The following TASP1 variants were observed in gnomAD, a reference collection of about 807,000 sequenced individuals.
The protein encoded by TASP1 is taspase 1.
Under a neutral mutation model 56.6 loss-of-function variants are expected in TASP1, and 16 were observed. The observed-to-expected ratio is 0.28, with a 90% CI of 0.19 to 0.43. The LOEUF is 0.43. TASP1 is among the 20% of genes least tolerant of loss of function. TASP1 has a pLI of 1.00. For synonymous variants in TASP1, 179 were observed against 184.2 expected (o/e 0.97, Z 0.23); for missense variants, 393 against 511.6 (o/e 0.77, Z 2.24).
At chr20:13,131,180 A>G in the TASP1 span, among the ~76,000 whole-genome samples, 15 of 152,188 alleles carry the variant, frequency 9.9e-5, no homozygotes, top group Admixed American at 2.0e-4. Flanking sequence ...TAAATCTTCG[A>G]TGTATATTTT....
the TASP1 span, among the ~76,000 whole-genome samples, chr20:13,264,641 G>A: frequency 6.6e-6 from 1 of 152,176 alleles, no homozygotes; most frequent in Non-Finnish European, 1.5e-5. Flanking sequence ...ATGTGGCTAT[G>A]GCCATCCACC....
intron 4 of TASP1, chr20:13,614,732 A>C: frequency 2.2e-6 from 1 of 457,042 alleles, no homozygotes; most frequent in Non-Finnish European, 4.5e-6. Context: ...CAAAAACATA[A>C]CACAAATCTC....
the TASP1 span, among the ~76,000 whole-genome samples, chr20:13,251,711 C>G: frequency 4.6e-5 from 7 of 152,186 alleles, no homozygotes; most frequent in Admixed American, 3.9e-4. Context: ...CCTTCTCAAG[C>G]CTGCTTTCAA....
At chr20:13,625,874 G>A (rs1164995468) in intron 2 of TASP1, among the ~76,000 whole-genome samples, 2 of 152,156 alleles carry the variant, frequency 1.3e-5, no homozygotes, top group Non-Finnish European at 2.9e-5. Context: ...ATTCCTGGTG[G>A]TCTCTGTCTT....
chr20:13,617,657 C>T (rs1006023569), intron 4 of TASP1, among the ~76,000 whole-genome samples: 2 of 152,066 alleles, frequency 1.3e-5, no homozygotes, highest in Non-Finnish European at 2.9e-5. Context: ...TGGAGATGCT[C>T]GTTTATTTAA....
intron 11 of TASP1, among the ~76,000 whole-genome samples, chr20:13,436,558 C>G (rs1478133276): frequency 6.6e-6 from 1 of 152,114 alleles, no homozygotes; most frequent in Non-Finnish European, 1.5e-5. Flanking sequence ...GATATTTACT[C>G]TCTAAAGAAG....
At chr20:13,379,079 AG>A in the TASP1 span, among the ~76,000 whole-genome samples, 36 of 152,092 alleles carry the variant, frequency 2.4e-4, no homozygotes, top group Non-Finnish European at 1.6e-4. Flanking sequence ...TTTACATTTA[AG>A]GTTAATATTG....
the TASP1 span, among the ~76,000 whole-genome samples, chr20:13,120,461 T>A: frequency 2.8e-4 from 43 of 152,288 alleles, no homozygotes; most frequent in Middle Eastern, 6.8e-3. Flanking sequence ...ACCCTGAAAT[T>A]TGAAAATAAT....
At chr20:13,399,638 G>A (rs2041664642) in intron 13 of TASP1, among the ~76,000 whole-genome samples, 1 of 152,122 alleles carries the variant, frequency 6.6e-6, no homozygotes, top group Non-Finnish European at 1.5e-5. Context: ...CCACCTGTGT[G>A]GATAATGCTC....
chr20:13,367,452 G>T, the TASP1 span, among the ~76,000 whole-genome samples: 2 of 152,148 alleles, frequency 1.3e-5, no homozygotes, highest in African/African-American at 4.8e-5. Context: ...TATTCCACAA[G>T]ACTGGACAGA....
chr20:13,557,176 C>T (rs889912189), intron 8 of TASP1, among the ~76,000 whole-genome samples: 2 of 151,948 alleles, frequency 1.3e-5, no homozygotes, highest in African/African-American at 4.8e-5. Flanking sequence ...CAGCTTTATT[C>T]GTAATAGTAA....
the TASP1 span, among the ~76,000 whole-genome samples, chr20:13,296,241 C>A: frequency 6.6e-6 from 1 of 152,172 alleles, no homozygotes; most frequent in African/African-American, 2.4e-5. Flanking sequence ...CCCCTCTGTG[C>A]CTTTGCCTGA....
chr20:13,284,964 T>C, the TASP1 span, among the ~76,000 whole-genome samples: 9 of 152,176 alleles, frequency 5.9e-5, no homozygotes, highest in African/African-American at 1.9e-4. Flanking sequence ...TTATGGGGTA[T>C]TTGTAATAGT....
chr20:13,150,344 A>G, the TASP1 span, among the ~76,000 whole-genome samples: 1 of 152,322 alleles, frequency 6.6e-6, no homozygotes, highest in South Asian at 2.1e-4. Flanking sequence ...TTTTTAGCAC[A>G]AAGGAGACTG....
the TASP1 span, among the ~76,000 whole-genome samples, chr20:13,258,708 G>T: frequency 1.3e-5 from 2 of 152,074 alleles, no homozygotes; most frequent in Non-Finnish European, 2.9e-5. Context: ...ACTGGGAGGA[G>T]CTGTTTCTCT....
chr20:13,390,972 C>T (rs912511970), intron 13 of TASP1, among the ~76,000 whole-genome samples: 1 of 152,084 alleles, frequency 6.6e-6, no homozygotes, highest in Admixed American at 6.5e-5. Context: ...AAAATAAGAG[C>T]TTACAAAATA....
At chr20:13,570,180 A>G (rs2046664015) in intron 6 of TASP1, among the ~76,000 whole-genome samples, 3 of 152,138 alleles carry the variant, frequency 2.0e-5, no homozygotes, top group African/African-American at 7.2e-5. Context: ...TTAATATAAC[A>G]AAGTGGATAA....
chr20:13,238,677 T>G, the TASP1 span, among the ~76,000 whole-genome samples: 1 of 152,334 alleles, frequency 6.6e-6, no homozygotes, highest in East Asian at 1.9e-4. Flanking sequence ...ATTTATAATA[T>G]ACAGGATGTT....
intron 6 of TASP1, among the ~76,000 whole-genome samples, chr20:13,570,501 A>G (rs2046675700): frequency 6.6e-6 from 1 of 152,148 alleles, no homozygotes; most frequent in Non-Finnish European, 1.5e-5. Context: ...TTGACTGCTA[A>G]TAAGACCAGT....
Sources: allele counts gnomAD v4.1 joint callset (sites outside exome capture counted in the v4.1 genomes callset), GRCh38; gene constraint gnomAD v4.1.1; transcripts MANE v1.5; gene names NCBI Gene and HGNC (gene_info 2026-07-23, HGNC 2026-07-21).